Variants in SLC8A3 observed in about 807,000 individuals in gnomAD.
SLC8A3 encodes the protein solute carrier family 8 member A3, also known as sodium/calcium exchanger 3.
Under a neutral mutation model 65.4 loss-of-function variants are expected in SLC8A3, and 37 were observed. The observed-to-expected ratio is 0.57, with a 90% CI of 0.44 to 0.74. SLC8A3 has a LOEUF of 0.74. SLC8A3 is among the 30% of genes least tolerant of loss of function. The pLI, the probability that SLC8A3 is intolerant of heterozygous loss-of-function variation, is 0.00. For synonymous variants in SLC8A3, 461 were observed against 444.5 expected (o/e 1.04, Z -0.47); for missense variants, 1,112 against 1,172.1 (o/e 0.95, Z 0.75).
intron 2 of SLC8A3, among the ~76,000 whole-genome samples, chr14:70,150,764 C>T (rs1417720241): frequency 2.0e-5 from 3 of 152,138 alleles, no homozygotes; most frequent in African/African-American, 7.2e-5. Flanking sequence ...TTTAAGGCAC[C>T]GAGGAACTCC....
chr14:70,185,100 G>T (rs753422971), intron 1 of SLC8A3, among the ~76,000 whole-genome samples: 7 of 151,698 alleles, frequency 4.6e-5, no homozygotes, highest in Non-Finnish European at 1.0e-4. Flanking sequence ...CTGAGTAAGT[G>T]GGATTACAGG....
intron 2 of SLC8A3, among the ~76,000 whole-genome samples, chr14:70,133,992 A>G (rs986844091): frequency 6.6e-6 from 1 of 152,068 alleles, no homozygotes; most frequent in Non-Finnish European, 1.5e-5. Context: ...GGCTCTGTGG[A>G]GGGAACTTGC....
At chr14:70,097,483 C>T (rs536303516) in intron 2 of SLC8A3, among the ~76,000 whole-genome samples, 1 of 152,154 alleles carries the variant, frequency 6.6e-6, no homozygotes, top group Non-Finnish European at 1.5e-5. Context: ...GGGTACAAAA[C>T]CTGGCTCCAC....
chr14:70,063,076 T>C (rs757637842), intron 2 of SLC8A3, among the ~76,000 whole-genome samples: 6 of 152,224 alleles, frequency 3.9e-5, no homozygotes, highest in Non-Finnish European at 7.3e-5. Context: ...AGAAGCCCCA[T>C]GGACCTCTTG....
rs539879826 is a variant in SLC8A3, at chr14:70,059,649, G to T, written c.1888+1187C>A. 2.0e-5 allele frequency among the ~76,000 whole-genome samples: 3 copies of T among 152,312 alleles called. 1 individual carries two copies. In the South Asian group the frequency reaches 6.2e-4, roughly 32 times the overall value. ...CCCCTGGCAGGTATTCTCAGATGCA[G>T]GTCCTGAGGAAAGCAGGAGATGAGG... On this transcript the variant is annotated intron_variant, in intron 3 of 6. Transcript: ENST00000356921.
intron 1 of SLC8A3, among the ~76,000 whole-genome samples, chr14:70,169,468 C>T (rs1407918829): frequency 3.3e-5 from 5 of 152,120 alleles, no homozygotes; most frequent in Non-Finnish European, 7.3e-5. Context: ...ATTAATAAAA[C>T]ATGCAAATGT....
intron 2 of SLC8A3, among the ~76,000 whole-genome samples, chr14:70,150,842 T>C (rs987915473): frequency 2.6e-5 from 4 of 152,150 alleles, no homozygotes; most frequent in African/African-American, 9.7e-5. Context: ...CTCTTAACTA[T>C]ACAGTGGGTC....
chr14:70,153,705 CT>C (rs1429135719), intron 2 of SLC8A3, among the ~76,000 whole-genome samples: 2 of 152,206 alleles, frequency 1.3e-5, no homozygotes, highest in African/African-American at 4.8e-5. Flanking sequence ...ACACTCACCC[CT>C]CTGCCTCCGC....
At chr14:70,182,602 CATT>C (rs1361255822) in intron 1 of SLC8A3, among the ~76,000 whole-genome samples, 1 of 151,878 alleles carries the variant, frequency 6.6e-6, no homozygotes, top group African/African-American at 2.4e-5. Context: ...TGGAATAAGT[CATT>C]ATATTTTGGG....
At position 70,143,082 on chromosome 14, in the gene SLC8A3, C is replaced by T. The variant is rs572530110; in HGVS notation, c.1784+23557G>A. Among the ~76,000 whole-genome samples, 10 of 152,282 alleles carry T rather than the reference C, an allele frequency of 6.6e-5. No homozygotes were observed. The East Asian group carries it at 1.2e-3, about 18-fold the overall frequency. On this transcript the variant is annotated intron_variant, in intron 2 of 6. Coordinates refer to ENST00000356921, the MANE Select transcript of SLC8A3 (RefSeq NM_182932.3). ...ATTCTTCTCTCTGTAGCTCGCCCAC[C>T]CCTTAAATGAGCGCTGTTGGAGACA...
chr14:70,051,984 C>T lies in SLC8A3; in HGVS notation c.2013+6G>A, dbSNP rs763991402. 5 of 1,612,272 alleles carry T rather than the reference C, an allele frequency of 3.1e-6. No homozygotes were observed. The highest frequency in any genetic ancestry group is 3.4e-6 in the Non-Finnish European group (4 of 1,178,990). ...TTATTCAATTAGACCTCACTGTTTG[C>T]CTGACCTTGAACTCATAGGACTCTT... On this transcript the variant is annotated splice_donor_region_variant and intron_variant, in intron 4 of 6. Transcript: ENST00000356921.
intron 4 of SLC8A3, among the ~76,000 whole-genome samples, 175 bp from the exon 5 acceptor site, chr14:70,051,282 G>A (rs1887478258): frequency 6.6e-6 from 1 of 152,048 alleles, no homozygotes; most frequent in Non-Finnish European, 1.5e-5. Flanking sequence ...CTTTGTTTTT[G>A]GTTGTAATCT....
At chr14:70,072,331 G>A (rs1029471238) in intron 2 of SLC8A3, among the ~76,000 whole-genome samples, 1 of 152,190 alleles carries the variant, frequency 6.6e-6, no homozygotes, top group Non-Finnish European at 1.5e-5. Flanking sequence ...AGGCAAGGCA[G>A]TGCCAAAAAC....
chr14:70,087,228 T>C (rs1208550383), intron 2 of SLC8A3, among the ~76,000 whole-genome samples: 1 of 152,196 alleles, frequency 6.6e-6, no homozygotes, highest in Non-Finnish European at 1.5e-5. Flanking sequence ...ATAACCATCA[T>C]AAAAATGAGA....
intron 1 of SLC8A3, among the ~76,000 whole-genome samples, chr14:70,170,100 T>C (rs1286176148): frequency 1.3e-5 from 2 of 152,192 alleles, no homozygotes; most frequent in Non-Finnish European, 2.9e-5. Flanking sequence ...GTAATCTTTT[T>C]TTAAAAAAAC....
chr14:70,050,174 T>C (rs17107701), intron 5 of SLC8A3, among the ~76,000 whole-genome samples: 2,169 of 152,184 alleles, frequency 0.014, 34 homozygotes, highest in African/African-American at 0.037. Flanking sequence ...CTACATTCCG[T>C]TTATTGTCTT....
chr14:70,137,889 T>C (rs1256928136), intron 2 of SLC8A3, among the ~76,000 whole-genome samples: 10 of 150,928 alleles, frequency 6.6e-5, no homozygotes, highest in Non-Finnish European at 1.5e-4. Context: ...GGGAGAACGA[T>C]GGATGACTTA....
Position 70,065,004 on chromosome 14 carries a change from G to T in SLC8A3, c.1785-4065C>A, listed in dbSNP as rs369239133. On this transcript the variant is annotated intron_variant, in intron 2 of 6. Coordinates refer to ENST00000356921, the MANE Select transcript of SLC8A3 (RefSeq NM_182932.3). ...GGTGGGTGTGAGACACTGCTAGGTGGGTGGGTGTGGAACTGGGTCTCCCCT... is the reference window on the plus strand; with the variant it reads ...GGTGGGTGTGAGACACTGCTAGGTGTGTGGGTGTGGAACTGGGTCTCCCCT... 1.4e-4 allele frequency among the ~76,000 whole-genome samples: 22 copies of T among 152,260 alleles called. No homozygotes were observed. The South Asian group carries it at 4.4e-3, about 30-fold the overall frequency.
chr14:70,086,487 C>T (rs1460519060), intron 2 of SLC8A3, among the ~76,000 whole-genome samples: 3 of 150,512 alleles, frequency 2.0e-5, no homozygotes, highest in Non-Finnish European at 3.0e-5. Flanking sequence ...CTGCAACCTC[C>T]GCCTCCCAGG....
Sources: gnomAD v4.1 joint callset for allele counts (sites outside exome capture counted in the v4.1 genomes callset) on GRCh38, gnomAD v4.1.1 for gene constraint, MANE v1.5 for transcripts, NCBI Gene and HGNC (gene_info 2026-07-23, HGNC 2026-07-21) for gene names.